The following GRHL1 variants were observed in gnomAD, a reference collection of about 807,000 sequenced individuals.
GRHL1 encodes the protein grainyhead-like protein 1 homolog.
Under a neutral mutation model 75.7 loss-of-function variants are expected in GRHL1, and 38 were observed. The observed-to-expected ratio is 0.50, with a 90% confidence interval of 0.39 to 0.66. The LOEUF (loss-of-function observed/expected upper bound fraction) is 0.66. GRHL1 is among the 30% of genes least tolerant of loss of function. The probability of loss-of-function intolerance (pLI) is 0.00; values close to 1 mark genes in which losing one functional copy is unlikely to be tolerated. For synonymous variants in GRHL1, 266 were observed against 279.4 expected (o/e 0.95, Z 0.48); for missense variants, 589 against 767.5 (o/e 0.77, Z 2.75).
rs1231986828 is a variant in GRHL1, at chr2:9,951,808, C to G, written c.-26C>G. 1.3e-6 allele frequency: 2 copies of G among 1,526,490 alleles called. No individual in the cohort carries two copies. The highest frequency in any genetic ancestry group is 2.8e-5 in the East Asian group (1 of 35,970). 94.6% of individuals were successfully genotyped at this position (1,526,490 alleles called of 1,614,324 possible). On this transcript the variant is annotated 5_prime_UTR_variant, in exon 1 of 16. Transcript: ENST00000324907. The surrounding 1 kb of genome is among the most constrained non-coding windows in gnomAD (Gnocchi z 4.2). ...GTCCCAACCCGAAAGTCCAGTTCTG[C>G]GGCCCGGCAGCGGCGAGCGGGCGCG...
Position 9,965,344 on chromosome 2 carries a change from C to G in GRHL1, c.1073C>G (p.Ala358Gly). Residue 358 changes from alanine (A) to glycine (G), a missense_variant, in exon 8 of 16, where the codon GCC becomes GGC. Transcript: ENST00000324907. ...AACATCGAGGAGATTGCGTATAACG[C>G]CATTTCCTTCACATGGGACATCAAC... ...ISNIEEIAYN[A>G]ISFTWDINDE... is the part of the protein sequence containing the mutation. The G allele has an allele frequency of 6.2e-7, 1 of 1,611,584 alleles. No individual in the cohort carries two copies. The highest frequency in any genetic ancestry group is 8.5e-7 in the Non-Finnish European group (1 of 1,177,656).
chr2:9,998,775 T>TATATACGTATATATATGTACACAC (rs1558321251), intron 14 of GRHL1, among the ~76,000 whole-genome samples, 190 bp from the exon 15 acceptor site: 1 of 50,390 alleles, frequency 2.0e-5, no homozygotes, highest in Admixed American at 2.7e-4. Flanking sequence ...TGTACACACA[T>TATATACGTATATATATGTACACAC]ATATACGTAT....
chr2:9,960,738 G>A (rs548349795), intron 3 of GRHL1: 57 of 256,770 alleles, frequency 2.2e-4, no homozygotes, highest in Middle Eastern at 1.3e-3. Flanking sequence ...TGATCAGATC[G>A]CATAGCTTCA....
chr2:9,974,544 C>A (rs557373038), intron 8 of GRHL1, among the ~76,000 whole-genome samples: 5 of 146,074 alleles, frequency 3.4e-5, no homozygotes, highest in Admixed American at 2.7e-4. Flanking sequence ...TGTGGGCCAG[C>A]AGGCACTCAG....
intron 8 of GRHL1, among the ~76,000 whole-genome samples, chr2:9,984,554 A>T (rs1341960351): frequency 6.6e-6 from 1 of 152,112 alleles, no homozygotes. Flanking sequence ...TCATAATGTG[A>T]CTCAGCTTAT....
At chr2:9,967,871 G>T (rs762523560) in intron 8 of GRHL1, among the ~76,000 whole-genome samples, 5 of 151,672 alleles carry the variant, frequency 3.3e-5, no homozygotes, top group Admixed American at 1.3e-4. Context: ...TGCATTTGTT[G>T]ATTTCTTTTT....
At chr2:9,993,149 T>C (rs1558315230) in intron 11 of GRHL1, 58 bp from the exon 12 acceptor site, 5 of 1,233,652 alleles carry the variant, frequency 4.1e-6, no homozygotes, top group Non-Finnish European at 4.8e-6. Flanking sequence ...GAATAATTCA[T>C]TTATGGCCAA....
In GRHL1 at chr2:9,958,162, A is replaced by G. The variant is rs117874792; in HGVS notation, c.208-624A>G. On this transcript the variant is annotated intron_variant, in intron 2 of 15. Transcript: ENST00000324907. Reference sequence around the variant, plus strand: ...AAACGAGTAAAACCAGGGCAGAGGTATTTCTTTTTTTCTTTTTTTTTTTTT... The same window carrying G: ...AAACGAGTAAAACCAGGGCAGAGGTGTTTCTTTTTTTCTTTTTTTTTTTTT... 2.2e-4 allele frequency among the ~76,000 whole-genome samples: 31 copies of G among 142,632 alleles called. 1 individual carries two copies. In the East Asian group the frequency reaches 6.3e-3, roughly 29 times the overall value. 93.6% of individuals were successfully genotyped at this position (142,632 alleles called of 152,430 possible). A position where few individuals can be genotyped will look rare whatever the true frequency, so the allele number is the denominator to read the frequency against.
chr2:9,960,872 C>T lies in GRHL1; in HGVS notation c.279-174C>T, dbSNP rs1041613281. On this transcript the variant is annotated intron_variant, in intron 3 of 15. Coordinates refer to ENST00000324907, the MANE Select transcript of GRHL1 (RefSeq NM_198182.3). ...TTAATAGGTTTGGATTTTATTTGACCGATAACCAGAAAGCCTTTTTCCCTT... is the reference window on the plus strand; with the variant it reads ...TTAATAGGTTTGGATTTTATTTGACTGATAACCAGAAAGCCTTTTTCCCTT... The T allele has an allele frequency of 2.0e-5, 11 of 542,788 alleles. No individual in the cohort carries two copies. In the South Asian group the frequency reaches 3.4e-4, roughly 17 times the overall value. 33.6% of individuals were successfully genotyped at this position (542,788 alleles called of 1,614,324 possible).
chr2:9,986,838 T>A (rs1016730625), intron 9 of GRHL1, among the ~76,000 whole-genome samples: 5 of 152,198 alleles, frequency 3.3e-5, no homozygotes, highest in Non-Finnish European at 7.3e-5. Flanking sequence ...TCCTGAGTAG[T>A]TGGGACTACA....
chr2:9,996,097 G>C, intron 13 of GRHL1, 127 bp downstream of exon 13: 1 of 755,894 alleles, frequency 1.3e-6, no homozygotes, highest in East Asian at 2.5e-5. Context: ...CCATCAGACT[G>C]ACATCTAGCT....
At position 9,955,198 on chromosome 2, in the gene GRHL1, G is replaced by A. The variant is rs147367679; in HGVS notation, c.207+97G>A. ...CATTTGCTGGTAGAATGCCATGCAA[G>A]TTGCTTCTGTAGTGACTATAAATAG... On this transcript the variant is annotated intron_variant, in intron 2 of 15. Transcript: ENST00000324907. 7.7e-6 allele frequency: 6 copies of A among 780,500 alleles called. No homozygotes were observed. The East Asian group carries it at 1.3e-4, about 17-fold the overall frequency. The allele number at this position is 780,500 out of a possible 1,614,324, so 48.3% of individuals were successfully genotyped here. A position where few individuals can be genotyped will look rare whatever the true frequency, so the allele number is the denominator to read the frequency against.
At chr2:9,957,687 G>C (rs1228241047) in intron 2 of GRHL1, among the ~76,000 whole-genome samples, 1 of 151,988 alleles carries the variant, frequency 6.6e-6, no homozygotes, top group Non-Finnish European at 1.5e-5. Context: ...GGGATTACAG[G>C]CGTGAGCCAC....
chr2:9,959,886 G>T (rs1019674913), intron 3 of GRHL1: 2 of 152,058 alleles, frequency 1.3e-5, no homozygotes, highest in Non-Finnish European at 2.9e-5. Context: ...GACTTTTTCC[G>T]TTTTAGGATA....
Position 9,951,796 on chromosome 2 carries a change from A to G in GRHL1, c.-38A>G. ...ATCGGGTGTACTGTCCCAACCCGAA[A>G]GTCCAGTTCTGCGGCCCGGCAGCGG... is the stretch of plus-strand genomic sequence containing the variant. On this transcript the variant is annotated 5_prime_UTR_variant, in exon 1 of 16. Transcript: ENST00000324907. This position sits in a 1 kb window ranked among gnomAD's most constrained non-coding sequence, Gnocchi z 4.2. 6 of 1,522,250 alleles carry G rather than the reference A, an allele frequency of 3.9e-6. No individual in the cohort carries two copies. The highest frequency in any genetic ancestry group is 5.3e-6 in the Non-Finnish European group (6 of 1,133,088). The allele number at this position is 1,522,250 out of a possible 1,614,324, so 94.3% of individuals were successfully genotyped here.
intron 1 of GRHL1, among the ~76,000 whole-genome samples, chr2:9,952,123 G>A (rs1666809789): frequency 6.6e-6 from 1 of 151,824 alleles, no homozygotes; most frequent in Admixed American, 6.6e-5. Flanking sequence ...CCGCGGCCAG[G>A]TTGGGTCCCC....
rs778188592 is a variant in GRHL1 at position 9,961,208 on chromosome 2, C to G, written c.441C>G (p.Val147=). The part of the protein sequence containing the change: ...HLTAPDTTVT[V]SIATMPTHSI... ...CAGCTCCAGATACGACAGTCACTGT[C>G]TCCATAGCAACGATGCCTACCCACT... The change falls in exon 4 of 16, where the codon GTC becomes GTG. Residue 147 remains valine, a synonymous_variant. Coordinates refer to ENST00000324907, the MANE Select transcript of GRHL1 (RefSeq NM_198182.3). 7 of 1,614,102 alleles carry G rather than the reference C, an allele frequency of 4.3e-6. No homozygotes were observed. The highest frequency in any genetic ancestry group is 5.9e-6 in the Non-Finnish European group (7 of 1,179,984).
In GRHL1 at chr2:9,964,224, C is replaced by G. The variant is rs1342613025; in HGVS notation, c.904-11C>G. On this transcript the variant is annotated splice_polypyrimidine_tract_variant and intron_variant, in intron 6 of 15. Coordinates refer to ENST00000324907, the MANE Select transcript of GRHL1 (RefSeq NM_198182.3). Reference sequence around the variant, plus strand: ...TAGTGTCTTTATGTTGTAATGCATTCTCTTTCACAGAGTGTGATCATGGTG... The same window carrying G: ...TAGTGTCTTTATGTTGTAATGCATTGTCTTTCACAGAGTGTGATCATGGTG... The G allele has an allele frequency of 1.9e-6, 3 of 1,538,772 alleles. No individual in the cohort carries two copies. Among genetic ancestry groups the G allele is most frequent in the East Asian group, 2.2e-5 (1 of 44,508 alleles).
intron 2 of GRHL1, among the ~76,000 whole-genome samples, chr2:9,958,238 C>T (rs1232480506): frequency 6.8e-6 from 1 of 148,068 alleles, no homozygotes; most frequent in Admixed American, 6.8e-5. Flanking sequence ...AGTGCAGTGG[C>T]GCAATCTCTG....
Sources: allele counts gnomAD v4.1 joint callset (sites outside exome capture counted in the v4.1 genomes callset), GRCh38; gene constraint gnomAD v4.1.1; non-coding constraint Gnocchi (gnomAD v3.1); transcripts MANE v1.5; gene names NCBI Gene and HGNC (gene_info 2026-07-23, HGNC 2026-07-21).